The following NID1 variants were observed in gnomAD, a reference collection of about 807,000 sequenced individuals.
NID1 encodes nidogen-1.
In NID1, 76 loss-of-function variants were observed where a neutral mutation model predicts 130.6. That is an observed-to-expected ratio of 0.58 (90% CI 0.48 to 0.70). The LOEUF (loss-of-function observed/expected upper bound fraction) is 0.70. Among genes scored for constraint, NID1 ranks in the 30% least tolerant of loss-of-function variants. The probability of loss-of-function intolerance (pLI) is 0.00; values close to 1 mark genes in which losing one functional copy is unlikely to be tolerated. For synonymous variants in NID1, 665 were observed against 675.1 expected (o/e 0.98, Z 0.23); for missense variants, 1,517 against 1,664.8 (o/e 0.91, Z 1.54).
At chr1:235,996,338 C>T (rs1047718490) in intron 12 of NID1, among the ~76,000 whole-genome samples, 1 of 152,162 alleles carries the variant, frequency 6.6e-6, no homozygotes, top group Non-Finnish European at 1.5e-5. Context: ...ATAGCAGCTA[C>T]ACAGAAGAGA....
intron 2 of NID1, among the ~76,000 whole-genome samples, chr1:236,047,559 C>T (rs776718708): frequency 5.3e-5 from 8 of 152,094 alleles, no homozygotes; most frequent in South Asian, 2.1e-4. Context: ...ACTGCGCCCA[C>T]GGAGAGGCCA....
intron 2 of NID1, among the ~76,000 whole-genome samples, chr1:236,048,316 C>T (rs962204622): frequency 2.0e-5 from 3 of 151,674 alleles, no homozygotes; most frequent in African/African-American, 7.2e-5. Context: ...GCCTGGGCGA[C>T]AGAGCGAGAC....
chr1:235,980,732 A>T, intron 16 of NID1, 79 bp from the exon 17 acceptor site: 1 of 1,431,232 alleles, frequency 7.0e-7, no homozygotes, highest in Non-Finnish European at 9.6e-7. Flanking sequence ...AACACTTGAA[A>T]AGAATTACAA....
At chr1:236,030,695 C>T (rs956988040) in intron 6 of NID1, among the ~76,000 whole-genome samples, 2 of 152,108 alleles carry the variant, frequency 1.3e-5, no homozygotes, top group Non-Finnish European at 2.9e-5. Flanking sequence ...GGCCCTTTGC[C>T]GAAAAAGTTT....
At chr1:235,980,013 A>C in intron 17 of NID1, 68 bp from the exon 18 acceptor site, 2 of 1,548,990 alleles carry the variant, frequency 1.3e-6, no homozygotes, top group South Asian at 2.2e-5. Flanking sequence ...AAAAAAAACA[A>C]GAGTAATGAG....
At chr1:235,997,263 G>A (rs914947558) in intron 12 of NID1, among the ~76,000 whole-genome samples, 9 of 152,120 alleles carry the variant, frequency 5.9e-5, no homozygotes, top group African/African-American at 2.2e-4. Flanking sequence ...TCTCTGTTAC[G>A]ACTACGCAAC....
Position 236,054,078 on chromosome 1 carries a change from T to C in NID1, c.226-5089A>G, listed in dbSNP as rs76538741. Reference sequence around the variant, plus strand: ...AAATCCAGAATATAAAGCACTAAAATGGAGAAATATCTAGTTTCTTGAACA... The same window carrying C: ...AAATCCAGAATATAAAGCACTAAAACGGAGAAATATCTAGTTTCTTGAACA... On this transcript the variant is annotated intron_variant, in intron 1 of 19. Transcript: ENST00000264187. Among the ~76,000 whole-genome samples the C allele has an allele frequency of 7.6e-3, 1,149 of 152,052 alleles. 9 individuals are homozygous for C. Among genetic ancestry groups the C allele is most frequent in the African/African-American group, 0.027 (1,103 of 41,474 alleles).
At position 236,056,274 on chromosome 1, in the gene NID1, A is replaced by G. The variant is rs184958621; in HGVS notation, c.226-7285T>C. Reference sequence around the variant, plus strand: ...TGACACCAAAAGCACAAGCAACAAAAGCAAAAATTAAGAAGAGGGACTCCT... The same window carrying G: ...TGACACCAAAAGCACAAGCAACAAAGGCAAAAATTAAGAAGAGGGACTCCT... On this transcript the variant is annotated intron_variant, in intron 1 of 19. Transcript: ENST00000264187. 9.4e-4 allele frequency among the ~76,000 whole-genome samples: 143 copies of G among 152,324 alleles called. 1 individual carries two copies. The highest frequency in any genetic ancestry group is 3.4e-3 in the African/African-American group (140 of 41,580).
intron 12 of NID1, among the ~76,000 whole-genome samples, chr1:236,009,062 C>G (rs1281557500): frequency 6.6e-6 from 1 of 152,160 alleles, no homozygotes; most frequent in African/African-American, 2.4e-5. Flanking sequence ...GAAACGCAGA[C>G]GCAGCTCTTG....
At chr1:236,012,691 T>A (rs1255306177) in intron 11 of NID1, among the ~76,000 whole-genome samples, 1 of 152,192 alleles carries the variant, frequency 6.6e-6, no homozygotes, top group South Asian at 2.1e-4. Flanking sequence ...ACTGTCTGAG[T>A]GTTTACTGAC....
intron 12 of NID1, among the ~76,000 whole-genome samples, chr1:236,005,222 A>G (rs1658213840): frequency 7.1e-6 from 1 of 140,780 alleles, no homozygotes; most frequent in African/African-American, 2.4e-5. Context: ...GAGAAGGCCC[A>G]GATATAGGCG....
intron 1 of NID1, among the ~76,000 whole-genome samples, chr1:236,051,701 T>G (rs1659767018): frequency 6.6e-6 from 1 of 152,114 alleles, no homozygotes; most frequent in African/African-American, 2.4e-5. Flanking sequence ...GGAGCTGCCG[T>G]GTGGGAGCGT....
At chr1:236,038,656 A>T (rs914141951) in intron 4 of NID1, among the ~76,000 whole-genome samples, 4 of 148,256 alleles carry the variant, frequency 2.7e-5, no homozygotes, top group Admixed American at 6.8e-5. Context: ...ATATATATTA[A>T]AACATATATA....
intron 4 of NID1, among the ~76,000 whole-genome samples, chr1:236,040,829 AAT>A (rs2102839167): frequency 6.6e-6 from 1 of 152,052 alleles, no homozygotes; most frequent in East Asian, 1.9e-4. Context: ...ACGCCTGGCT[AAT>A]GTTTTGCATT....
At chr1:236,046,145 C>A (rs977541998) in intron 2 of NID1, among the ~76,000 whole-genome samples, 9 of 152,164 alleles carry the variant, frequency 5.9e-5, no homozygotes, top group Non-Finnish European at 1.2e-4. Flanking sequence ...AGACCTGGAT[C>A]CAAATCTTTG....
intron 1 of NID1, among the ~76,000 whole-genome samples, chr1:236,053,220 A>G (rs1279148656): frequency 6.6e-6 from 1 of 151,958 alleles, no homozygotes; most frequent in African/African-American, 2.4e-5. Flanking sequence ...TATTTATTTC[A>G]ATGTTTAATA....
intron 12 of NID1, among the ~76,000 whole-genome samples, chr1:236,007,579 T>C (rs202154975): frequency 1.0e-3 from 151 of 151,348 alleles, no homozygotes; most frequent in African/African-American, 2.9e-3. Flanking sequence ...CAGTCTCTCT[T>C]TCTCTCTCTC....
chr1:236,054,000 A>G (rs924193120), intron 1 of NID1, among the ~76,000 whole-genome samples: 1 of 152,198 alleles, frequency 6.6e-6, no homozygotes, highest in African/African-American at 2.4e-5. Context: ...AGTTTACAGG[A>G]AATACAGGAG....
chr1:236,010,076 G>A (rs1658366012), intron 12 of NID1, among the ~76,000 whole-genome samples: 1 of 152,148 alleles, frequency 6.6e-6, no homozygotes. Context: ...GAGATGTGAA[G>A]CAAGACTGAG....
Sources: allele counts gnomAD v4.1 joint callset (sites outside exome capture counted in the v4.1 genomes callset), GRCh38; gene constraint gnomAD v4.1.1; transcripts MANE v1.5; gene names NCBI Gene and HGNC (gene_info 2026-07-23, HGNC 2026-07-21).